The following NHSL1 variants were observed in gnomAD, a reference collection of about 807,000 sequenced individuals.
NHSL1 encodes the protein NHS like 1.
NHSL1 carries 48 observed loss-of-function variants against 95.0 expected under a neutral mutation model. That is an observed-to-expected ratio of 0.51 (90% CI 0.40 to 0.64). The LOEUF (loss-of-function observed/expected upper bound fraction) is 0.64, where lower values mean the gene tolerates loss of function less well. NHSL1 is among the 30% of genes least tolerant of loss of function. The pLI, the probability that NHSL1 is intolerant of heterozygous loss-of-function variation, is 0.00. For synonymous variants in NHSL1, 783 were observed against 833.9 expected, an observed-to-expected ratio of 0.94 and a Z score of 1.05; for missense variants, 1,971 against 2,077.7, an observed-to-expected ratio of 0.95 and a Z score of 1.00.
intron 1 of NHSL1, among the ~76,000 whole-genome samples, chr6:138,654,714 A>G (rs1785134148): frequency 6.6e-6 from 1 of 152,146 alleles, no homozygotes; most frequent in Non-Finnish European, 1.5e-5. Flanking sequence ...ATCCCCAGGT[A>G]AGGGTGGTAC....
intron 1 of NHSL1, among the ~76,000 whole-genome samples, chr6:138,562,516 G>C (rs921724945): frequency 3.9e-5 from 6 of 152,088 alleles, no homozygotes; most frequent in Admixed American, 1.3e-4. Context: ...ACAAAAACTA[G>C]CCAGGCGTGG....
intron 3 of NHSL1, among the ~76,000 whole-genome samples, chr6:138,469,402 G>C (rs950890504): frequency 1.2e-4 from 19 of 152,128 alleles, no homozygotes; most frequent in African/African-American, 4.3e-4. Context: ...ACTGACAGCA[G>C]CACTAAGACT....
intron 1 of NHSL1, among the ~76,000 whole-genome samples, chr6:138,683,575 T>C (rs187942373): frequency 3.8e-4 from 58 of 152,354 alleles, no homozygotes; most frequent in African/African-American, 1.4e-3. Context: ...CCAAAAGCCT[T>C]CTTGTTTTTT....
At chr6:138,457,984 G>A (rs1219209653) in intron 3 of NHSL1, among the ~76,000 whole-genome samples, 1 of 148,168 alleles carries the variant, frequency 6.7e-6, no homozygotes, top group Non-Finnish European at 1.5e-5. Context: ...CTCCAGACTA[G>A]GTAACAGAGT....
intron 1 of NHSL1, among the ~76,000 whole-genome samples, chr6:138,535,947 A>G (rs989723021): frequency 2.6e-5 from 4 of 152,186 alleles, no homozygotes; most frequent in Admixed American, 1.3e-4. Flanking sequence ...CTAATTTTAG[A>G]CATGACACTG....
intron 1 of NHSL1, among the ~76,000 whole-genome samples, chr6:138,527,670 C>T (rs1385156383): frequency 6.6e-6 from 1 of 152,184 alleles, no homozygotes; most frequent in Non-Finnish European, 1.5e-5. Flanking sequence ...AAAAGATCCT[C>T]TTTGAGGCTC....
intron 1 of NHSL1, among the ~76,000 whole-genome samples, chr6:138,688,963 A>C (rs994391314): frequency 2.6e-5 from 4 of 152,156 alleles, no homozygotes; most frequent in African/African-American, 9.7e-5. Context: ...GTATTTTTGT[A>C]CTTGTACTTA....
Position 138,424,004 on chromosome 6 carries a change from G to A in NHSL1, c.*77C>T. 1 of 1,273,508 alleles carries A rather than the reference G, an allele frequency of 7.9e-7. No individual in the cohort carries two copies. The highest frequency in any genetic ancestry group is 9.9e-7 in the Non-Finnish European group (1 of 1,008,828). 78.9% of individuals were successfully genotyped at this position (1,273,508 alleles called of 1,614,324 possible). A position where few individuals can be genotyped will look rare whatever the true frequency, so the allele number is the denominator to read the frequency against. ...TGGGCTCCCCGGGTGAGCCAGGGAA[G>A]GGCGCCTAGCAGGCTTCCTAGAGTG... On this transcript the variant is annotated 3_prime_UTR_variant, in exon 8 of 8. Transcript: ENST00000343505. This position sits in a 1 kb window ranked among gnomAD's most constrained non-coding sequence, Gnocchi z 5.9.
chr6:138,524,329 C>A (rs936868778), intron 1 of NHSL1, among the ~76,000 whole-genome samples: 2 of 152,154 alleles, frequency 1.3e-5, no homozygotes, highest in Non-Finnish European at 2.9e-5. Context: ...GTAACCAGCA[C>A]CCAGATCAAG....
At chr6:138,645,654 T>C (rs1785010713) in intron 1 of NHSL1, among the ~76,000 whole-genome samples, 1 of 151,786 alleles carries the variant, frequency 6.6e-6, no homozygotes, top group South Asian at 2.1e-4. Context: ...ACTACAGGTG[T>C]GCACCACCAT....
At chr6:138,548,453 T>C (rs902807147), upstream of NHSL1, among the ~76,000 whole-genome samples, 1 of 152,216 alleles carries the variant, frequency 6.6e-6, no homozygotes, top group Non-Finnish European at 1.5e-5. Flanking sequence ...CAACACAAAT[T>C]TGTAAACTTT....
intron 1 of NHSL1, among the ~76,000 whole-genome samples, chr6:138,570,565 T>C (rs1783801473): frequency 6.6e-6 from 1 of 152,228 alleles, no homozygotes; most frequent in Non-Finnish European, 1.5e-5. Context: ...CTTCAAAGAT[T>C]ATTAGCTAGT....
At chr6:138,489,679 T>C (rs556839910) in intron 2 of NHSL1, among the ~76,000 whole-genome samples, 1 of 148,692 alleles carries the variant, frequency 6.7e-6, no homozygotes, top group South Asian at 2.1e-4. Context: ...GGAGGATGGA[T>C]TGGGCCCGGG....
intron 1 of NHSL1, among the ~76,000 whole-genome samples, chr6:138,593,298 C>T (rs1784257972): frequency 6.6e-6 from 1 of 152,192 alleles, no homozygotes; most frequent in Non-Finnish European, 1.5e-5. Flanking sequence ...TGCCCACTCT[C>T]CCATGCTTCA....
intron 1 of NHSL1, among the ~76,000 whole-genome samples, chr6:138,684,156 G>A (rs1296078459): frequency 1.4e-5 from 2 of 144,032 alleles, no homozygotes; most frequent in African/African-American, 2.6e-5. Context: ...AGGTTGCAGT[G>A]AGCCGAGATC....
chr6:138,658,384 T>C (rs9402986), intron 1 of NHSL1, among the ~76,000 whole-genome samples: 28,293 of 152,176 alleles, frequency 0.19, 3,227 homozygotes, highest in East Asian at 0.35. Context: ...GGTAACACCA[T>C]TGTACTCTGT....
At chr6:138,453,017 C>A (rs1197171953) in intron 3 of NHSL1, among the ~76,000 whole-genome samples, 3 of 152,188 alleles carry the variant, frequency 2.0e-5, no homozygotes, top group African/African-American at 4.8e-5. Context: ...GTCGCCCAGG[C>A]TAGAGTGCAG....
intron 1 of NHSL1, among the ~76,000 whole-genome samples, chr6:138,630,869 ACTAT>A (rs1784810523): frequency 6.6e-6 from 1 of 152,208 alleles, no homozygotes. Context: ...CAATCTAACA[ACTAT>A]CTATACAAAA....
At chr6:138,446,328 C>T (rs1459749537) in intron 4 of NHSL1, among the ~76,000 whole-genome samples, 41 of 152,128 alleles carry the variant, frequency 2.7e-4, no homozygotes, top group Admixed American at 2.2e-3. Context: ...TGAGCCACCA[C>T]GCCCAGCCAA....
Sources: gnomAD v4.1 joint callset for allele counts (sites outside exome capture counted in the v4.1 genomes callset) on GRCh38, gnomAD v4.1.1 for gene constraint, Gnocchi (gnomAD v3.1) non-coding constraint, MANE v1.5 for transcripts, NCBI Gene and HGNC (gene_info 2026-07-23, HGNC 2026-07-21) for gene names.